Variants in PKNOX2 observed in about 807,000 individuals in gnomAD.
PKNOX2 encodes the protein homeobox protein PKNOX2.
In PKNOX2, 14 loss-of-function variants were observed where a neutral mutation model predicts 53.1. The observed-to-expected ratio is 0.26, with a 90% CI of 0.17 to 0.41. The LOEUF (loss-of-function observed/expected upper bound fraction) is 0.41, where lower values mean the gene tolerates loss of function less well. Among genes scored for constraint, PKNOX2 ranks in the 10% least tolerant of loss-of-function variants. The probability of loss-of-function intolerance (pLI) is 1.00; values close to 1 mark genes in which losing one functional copy is unlikely to be tolerated. For synonymous variants in PKNOX2, 257 were observed against 242.8 expected, an observed-to-expected ratio of 1.06 and a Z score of -0.54; for missense variants, 496 against 602.8, an observed-to-expected ratio of 0.82 and a Z score of 1.85.
chr11:125,329,185 T>C (rs370001464), intron 2 of PKNOX2, among the ~76,000 whole-genome samples: 4 of 152,362 alleles, frequency 2.6e-5, no homozygotes, highest in East Asian at 3.9e-4. Flanking sequence ...ATTTTCCTCC[T>C]ACATGAAAAG....
chr11:125,193,618 G>A (rs188491562), intron 1 of PKNOX2, among the ~76,000 whole-genome samples: 9 of 152,274 alleles, frequency 5.9e-5, no homozygotes, highest in Middle Eastern at 3.4e-3. Flanking sequence ...TGTCCCATGC[G>A]TGGGATAACC....
intron 1 of PKNOX2, among the ~76,000 whole-genome samples, chr11:125,230,506 G>T (rs1284403345): frequency 1.3e-5 from 2 of 152,220 alleles, no homozygotes; most frequent in African/African-American, 2.4e-5. Flanking sequence ...ATCTCAATCA[G>T]ATTTTTCCAC....
intron 6 of PKNOX2, among the ~76,000 whole-genome samples, chr11:125,391,801 A>G (rs942828528): frequency 5.9e-5 from 9 of 152,352 alleles, no homozygotes; most frequent in African/African-American, 1.7e-4. Context: ...AGGGAGGGAA[A>G]GAAGCTGAAA....
intron 2 of PKNOX2, among the ~76,000 whole-genome samples, chr11:125,242,339 C>A (rs1943220745): frequency 6.6e-6 from 1 of 152,298 alleles, no homozygotes; most frequent in Non-Finnish European, 1.5e-5. Context: ...CCAGTCTCCC[C>A]TCTTCATACC....
chr11:125,248,366 G>C (rs1440479218), intron 2 of PKNOX2, among the ~76,000 whole-genome samples: 1 of 152,174 alleles, frequency 6.6e-6, no homozygotes, highest in Non-Finnish European at 1.5e-5. Flanking sequence ...TTGCACAGCA[G>C]CTCTGTCGGG....
At chr11:125,285,178 G>C (rs959799108) in intron 2 of PKNOX2, among the ~76,000 whole-genome samples, 1 of 152,018 alleles carries the variant, frequency 6.6e-6, no homozygotes, top group East Asian at 1.9e-4. Flanking sequence ...CAAGGCTAGG[G>C]GGGTGATTTG....
chr11:125,195,946 A>G (rs1414452430), intron 1 of PKNOX2, among the ~76,000 whole-genome samples: 1 of 151,740 alleles, frequency 6.6e-6, no homozygotes, highest in East Asian at 1.9e-4. Flanking sequence ...TATCCCAGAC[A>G]CAGAAACTCC....
chr11:125,347,118 G>C (rs1207011229), intron 3 of PKNOX2, among the ~76,000 whole-genome samples: 2 of 152,188 alleles, frequency 1.3e-5, no homozygotes, highest in African/African-American at 4.8e-5. Flanking sequence ...GAGGGTGGGA[G>C]TGTCCCCTCA....
chr11:125,390,009 C>T (rs889476443), intron 6 of PKNOX2, among the ~76,000 whole-genome samples: 2 of 152,132 alleles, frequency 1.3e-5, no homozygotes, highest in African/African-American at 4.8e-5. Context: ...GGCCCAGAGG[C>T]CTCAGGCCAG....
intron 2 of PKNOX2, among the ~76,000 whole-genome samples, chr11:125,286,889 C>T (rs944857918): frequency 5.3e-5 from 8 of 152,148 alleles, no homozygotes; most frequent in African/African-American, 2.4e-5. Flanking sequence ...GTTGTGAGTG[C>T]GCAGGCAGCG....
chr11:125,339,396 G>C (rs1177395460), intron 3 of PKNOX2, among the ~76,000 whole-genome samples: 1 of 152,180 alleles, frequency 6.6e-6, no homozygotes, highest in Admixed American at 6.5e-5. Context: ...CCTAACGATG[G>C]GGTGCCCTGA....
intron 2 of PKNOX2, among the ~76,000 whole-genome samples, chr11:125,301,976 T>C (rs1948103639): frequency 6.6e-6 from 1 of 152,196 alleles, no homozygotes; most frequent in Non-Finnish European, 1.5e-5. Flanking sequence ...GATCCCAGTG[T>C]GTGTTAGCGA....
chr11:125,371,867 A>T (rs1952569540), intron 5 of PKNOX2, among the ~76,000 whole-genome samples: 1 of 152,174 alleles, frequency 6.6e-6, no homozygotes, highest in Admixed American at 6.5e-5. Flanking sequence ...GTGGAGCTGC[A>T]GGTCAGGGAT....
intron 1 of PKNOX2, among the ~76,000 whole-genome samples, chr11:125,208,004 A>C (rs1316862356): frequency 6.6e-6 from 1 of 152,096 alleles, no homozygotes; most frequent in Non-Finnish European, 1.5e-5. Flanking sequence ...TGTCTAATAG[A>C]GGAGATAGGA....
intron 5 of PKNOX2, among the ~76,000 whole-genome samples, chr11:125,371,224 C>G (rs1952519106): frequency 6.6e-6 from 1 of 152,062 alleles, no homozygotes; most frequent in South Asian, 2.1e-4. Context: ...CCGAGCAGAT[C>G]CCATGATTGG....
Position 125,347,280 on chromosome 11 carries a change from A to G in PKNOX2, c.-22-4004A>G, listed in dbSNP as rs547901472. On this transcript the variant is annotated intron_variant, in intron 3 of 12. Transcript: ENST00000298282. ...GGCCAGGAACAAATGCTGTCAGGCC[A>G]GCTGGCCAGAGAGTTCCCAATTAGA... is the stretch of plus-strand genomic sequence containing the variant. 2.6e-5 allele frequency among the ~76,000 whole-genome samples: 4 copies of G among 152,308 alleles called. No homozygotes were observed. In the South Asian group the frequency reaches 8.3e-4, roughly 32 times the overall value.
At chr11:125,429,566 G>A (rs1182755306) in intron 11 of PKNOX2, among the ~76,000 whole-genome samples, 1 of 152,194 alleles carries the variant, frequency 6.6e-6, no homozygotes, top group Non-Finnish European at 1.5e-5. Context: ...TGCCTGGCTG[G>A]GCTGTCAGGG....
chr11:125,179,052 C>T lies in PKNOX2; in HGVS notation c.-201+14276C>T, dbSNP rs542594374. On this transcript the variant is annotated intron_variant, in intron 1 of 12. Coordinates refer to ENST00000298282, the MANE Select transcript of PKNOX2 (RefSeq NM_001382323.2). ...TGTGTTTCATGGCTCTGGCCACACC[C>T]GTAGAACCAACCAGTGAACCCTGTG... 9.9e-5 allele frequency among the ~76,000 whole-genome samples: 15 copies of T among 152,262 alleles called. No individual in the cohort carries two copies. The East Asian group carries it at 1.9e-3, about 20-fold the overall frequency.
At chr11:125,334,228 A>G (rs1314936026) in intron 3 of PKNOX2, among the ~76,000 whole-genome samples, 1 of 152,086 alleles carries the variant, frequency 6.6e-6, no homozygotes, top group Non-Finnish European at 1.5e-5. Flanking sequence ...TACTGTAGGA[A>G]CTCTGCTAGG....
Sources: gnomAD v4.1 joint callset for allele counts (sites outside exome capture counted in the v4.1 genomes callset) on GRCh38, gnomAD v4.1.1 for gene constraint, MANE v1.5 for transcripts, NCBI Gene and HGNC (gene_info 2026-07-23, HGNC 2026-07-21) for gene names.